Variants in NCEH1 observed in about 807,000 individuals in gnomAD.
NCEH1 encodes 2-acetyl MAGE hydrolase.
Under a neutral mutation model 25.4 loss-of-function variants are expected in NCEH1, and 9 were observed. The observed-to-expected ratio is 0.35, with a 90% CI of 0.21 to 0.62. The LOEUF (loss-of-function observed/expected upper bound fraction) is 0.62. Ranked by LOEUF, NCEH1 falls within the 20% of genes least tolerant of loss-of-function variation. The pLI, the probability that NCEH1 is intolerant of heterozygous loss-of-function variation, is 0.72. For missense variants in NCEH1, 412 were observed against 501.1 expected, an observed-to-expected ratio of 0.82 and a Z score of 1.70; for synonymous variants, 200 against 199.8, an observed-to-expected ratio of 1.00 and a Z score of -0.01.
chr3:172,698,728 ATAAATCTAT>A (rs1246587759), intron 1 of NCEH1, among the ~76,000 whole-genome samples: 1 of 152,266 alleles, frequency 6.6e-6, no homozygotes, highest in African/African-American at 2.4e-5. Context: ...GAAAACAAGC[ATAAATCTAT>A]TAAAACATGA....
chr3:172,683,076 C>T (rs993892377), intron 1 of NCEH1, among the ~76,000 whole-genome samples: 1 of 152,176 alleles, frequency 6.6e-6, no homozygotes, highest in Non-Finnish European at 1.5e-5. Flanking sequence ...TGGCCAGATG[C>T]GGTGGCTTAT....
intron 1 of NCEH1, among the ~76,000 whole-genome samples, chr3:172,681,908 CA>C (rs10711610): frequency 0.32 from 45,294 of 143,458 alleles, 6,918 homozygotes; most frequent in South Asian, 0.36. Context: ...GAGACTGTCT[CA>C]AAAAAAAAAA....
intron 1 of NCEH1, among the ~76,000 whole-genome samples, chr3:172,695,836 T>A (rs1180817805): frequency 6.6e-6 from 1 of 151,778 alleles, no homozygotes; most frequent in Non-Finnish European, 1.5e-5. Flanking sequence ...CTCAGCTACT[T>A]GGGAGGCTGA....
intron 1 of NCEH1, among the ~76,000 whole-genome samples, chr3:172,660,057 T>C (rs1000975249): frequency 6.6e-6 from 1 of 152,068 alleles, no homozygotes; most frequent in African/African-American, 2.4e-5. Flanking sequence ...TATGTATACA[T>C]GTGCCATGTT....
intron 1 of NCEH1, among the ~76,000 whole-genome samples, chr3:172,707,248 G>A (rs1413456010): frequency 1.3e-5 from 2 of 152,004 alleles, no homozygotes; most frequent in East Asian, 3.8e-4. Context: ...TGTTCCTCTA[G>A]TCTCCTGCTG....
chr3:172,687,934 A>C (rs1031972997), intron 1 of NCEH1, among the ~76,000 whole-genome samples: 2 of 152,246 alleles, frequency 1.3e-5, no homozygotes, highest in African/African-American at 4.8e-5. Flanking sequence ...CCTAACCTGG[A>C]CAACAAACAG....
intron 1 of NCEH1, among the ~76,000 whole-genome samples, chr3:172,685,664 C>G (rs1028741247): frequency 6.6e-6 from 1 of 151,108 alleles, no homozygotes; most frequent in Non-Finnish European, 1.5e-5. Context: ...CTTTTTTTTT[C>G]TCTTCCCCTT....
intron 1 of NCEH1, among the ~76,000 whole-genome samples, chr3:172,697,970 A>ATTTTTT (rs386398562): frequency 2.3e-4 from 23 of 101,090 alleles, no homozygotes; most frequent in Admixed American, 3.4e-4. Context: ...TAAAAGCAGA[A>ATTTTTT]TTTTTTTTTT....
intron 1 of NCEH1, among the ~76,000 whole-genome samples, chr3:172,650,221 G>C (rs1292504668): frequency 1.3e-5 from 2 of 152,218 alleles, no homozygotes; most frequent in Non-Finnish European, 2.9e-5. Flanking sequence ...GGGACAATTT[G>C]GCTGAGTGCA....
chr3:172,661,613 G>C (rs1239028684), intron 1 of NCEH1, among the ~76,000 whole-genome samples: 3 of 152,170 alleles, frequency 2.0e-5, no homozygotes, highest in Non-Finnish European at 4.4e-5. Context: ...AGCATGGAAT[G>C]TTCTTCCATT....
In NCEH1 at chr3:172,633,431, T is replaced by A. The variant is rs1469227412; in HGVS notation, c.*44A>T. 2 of 1,573,604 alleles carry A rather than the reference T, an allele frequency of 1.3e-6. No homozygotes were observed. Among genetic ancestry groups the A allele is most frequent in the South Asian group, 2.4e-5 (2 of 84,400 alleles). The stretch of plus-strand genomic sequence containing the variant: ...AGTGCATGTCTTTCCAAAGCAGGTG[T>A]AGGAGGTCAAGAGGGGCTCGAGGCT... On this transcript the variant is annotated 3_prime_UTR_variant, in exon 5 of 5. Coordinates refer to ENST00000475381, the MANE Select transcript of NCEH1 (RefSeq NM_020792.6).
At chr3:172,669,390 C>T (rs897816743) in intron 1 of NCEH1, among the ~76,000 whole-genome samples, 1 of 151,996 alleles carries the variant, frequency 6.6e-6, no homozygotes, top group Non-Finnish European at 1.5e-5. Flanking sequence ...AGGAATTTGC[C>T]CTAAGGAAGT....
At chr3:172,672,984 T>C (rs1389256909) in intron 1 of NCEH1, among the ~76,000 whole-genome samples, 1 of 152,078 alleles carries the variant, frequency 6.6e-6, no homozygotes, top group Non-Finnish European at 1.5e-5. Context: ...GGCCCAAACC[T>C]CAGCTCCAGC....
chr3:172,678,930 A>C (rs1712177277), intron 1 of NCEH1, among the ~76,000 whole-genome samples: 1 of 152,218 alleles, frequency 6.6e-6, no homozygotes, highest in Admixed American at 6.5e-5. Flanking sequence ...TACTTCCTGC[A>C]GAAAGGGTAC....
At chr3:172,687,226 A>G (rs1340762458) in intron 1 of NCEH1, among the ~76,000 whole-genome samples, 4 of 152,106 alleles carry the variant, frequency 2.6e-5, no homozygotes, top group Non-Finnish European at 4.4e-5. Flanking sequence ...CCTGCGTGAT[A>G]CTATTCTGAC....
chr3:172,647,864 T>C lies in NCEH1; in HGVS notation c.367+22A>G, dbSNP rs541526547. 14 of 1,613,734 alleles carry C rather than the reference T, an allele frequency of 8.7e-6. No homozygotes were observed. In the Admixed American group the frequency reaches 1.2e-4, roughly 13 times the overall value. On this transcript the variant is annotated intron_variant, in intron 2 of 4. Transcript: ENST00000475381. ...CAAGGCCAACCACAACAACAAACCATCTGAAGGTGACCAGGACGCACTTGC... is the reference window on the plus strand; with the variant it reads ...CAAGGCCAACCACAACAACAAACCACCTGAAGGTGACCAGGACGCACTTGC...
chr3:172,698,392 T>C (rs1713495058), intron 1 of NCEH1, among the ~76,000 whole-genome samples: 1 of 152,218 alleles, frequency 6.6e-6, no homozygotes. Context: ...TGGAAGTGAC[T>C]GAAACCTTGG....
chr3:172,692,429 C>T (rs922864606), intron 1 of NCEH1, among the ~76,000 whole-genome samples: 8 of 152,162 alleles, frequency 5.3e-5, no homozygotes, highest in East Asian at 1.9e-4. Flanking sequence ...GGATCACAGG[C>T]TCACTGTAGC....
intron 1 of NCEH1, among the ~76,000 whole-genome samples, chr3:172,690,479 A>G (rs1040964869): frequency 6.6e-6 from 1 of 152,278 alleles, no homozygotes; most frequent in African/African-American, 2.4e-5. Flanking sequence ...GCACATTGCT[A>G]TTAGCCATAT....
Sources: allele counts gnomAD v4.1 joint callset (sites outside exome capture counted in the v4.1 genomes callset), GRCh38; gene constraint gnomAD v4.1.1; transcripts MANE v1.5; gene names NCBI Gene and HGNC (gene_info 2026-07-23, HGNC 2026-07-21).